The following EIF2B3 variants were observed in gnomAD, a reference collection of about 807,000 sequenced individuals.
EIF2B3 encodes eukaryotic translation initiation factor 2B subunit gamma.
EIF2B3 carries 20 observed loss-of-function variants against 54.1 expected under a neutral mutation model. That is an observed-to-expected ratio of 0.37 (90% CI 0.26 to 0.54). EIF2B3 has a LOEUF of 0.54. Ranked by LOEUF, EIF2B3 falls within the 20% of genes least tolerant of loss-of-function variation. The pLI is 0.86. For missense variants in EIF2B3, 448 were observed against 547.8 expected, an observed-to-expected ratio of 0.82 and a Z score of 1.82; for synonymous variants, 153 against 188.1, an observed-to-expected ratio of 0.81 and a Z score of 1.52.
intron 5 of EIF2B3, among the ~76,000 whole-genome samples, chr1:44,907,727 C>A (rs776254278): frequency 2.6e-5 from 4 of 151,532 alleles, no homozygotes; most frequent in Non-Finnish European, 4.4e-5. Flanking sequence ...ATGGAGAAAC[C>A]CTGTCTCTAT....
At chr1:44,951,813 G>C (rs1480514378) in intron 3 of EIF2B3, among the ~76,000 whole-genome samples, 1 of 149,150 alleles carries the variant, frequency 6.7e-6, no homozygotes, top group South Asian at 2.1e-4. Flanking sequence ...TTTGAGACGG[G>C]GTCTCGCTCT....
rs891420236 is a variant in EIF2B3, at chr1:44,943,001, G to A, written c.295-1336C>T. 5.9e-5 allele frequency among the ~76,000 whole-genome samples: 9 copies of A among 151,854 alleles called. No individual in the cohort carries two copies. The East Asian group carries it at 1.4e-3, about 23-fold the overall frequency. On this transcript the variant is annotated intron_variant, in intron 3 of 11. Transcript: ENST00000360403. ...CTCCTGAGTAGCTGGGACTACAGGC[G>A]CCCGCCACCACGCCCGGCTAATTTT...
chr1:44,892,393 A>G (rs1655825572), intron 6 of EIF2B3, among the ~76,000 whole-genome samples: 1 of 152,016 alleles, frequency 6.6e-6, no homozygotes, highest in South Asian at 2.1e-4. Flanking sequence ...CAGCCTGGGC[A>G]ACATATTGAG....
chr1:44,956,682 T>C (rs372274543), intron 3 of EIF2B3, among the ~76,000 whole-genome samples: 8 of 152,284 alleles, frequency 5.3e-5, no homozygotes, highest in African/African-American at 1.9e-4. Flanking sequence ...GAATTTAGTA[T>C]ATGATAATCG....
At chr1:44,933,373 G>A (rs977049969) in intron 4 of EIF2B3, among the ~76,000 whole-genome samples, 1 of 152,192 alleles carries the variant, frequency 6.6e-6, no homozygotes, top group African/African-American at 2.4e-5. Flanking sequence ...AGTGGGGGCA[G>A]AGCATGTGGT....
intron 3 of EIF2B3, among the ~76,000 whole-genome samples, chr1:44,964,318 GCAAGTTGGGAC>G (rs1267136047): frequency 6.6e-6 from 1 of 152,118 alleles, no homozygotes; most frequent in Non-Finnish European, 1.5e-5. Flanking sequence ...AAGTCTTTAA[GCAAGTTGGGAC>G]CAAGTTCTCA....
chr1:44,904,082 A>C (rs543122762), intron 5 of EIF2B3, among the ~76,000 whole-genome samples: 1 of 152,306 alleles, frequency 6.6e-6, no homozygotes, highest in Non-Finnish European at 1.5e-5. Flanking sequence ...TCTCAAAAAA[A>C]CAAAACAAAC....
At chr1:44,970,952 G>C (rs1327803225) in intron 3 of EIF2B3, among the ~76,000 whole-genome samples, 1 of 152,174 alleles carries the variant, frequency 6.6e-6, no homozygotes, top group Non-Finnish European at 1.5e-5. Context: ...ATGGCTCAGA[G>C]GTAGGATTAT....
intron 6 of EIF2B3, among the ~76,000 whole-genome samples, chr1:44,887,592 G>T (rs1052485763): frequency 1.3e-5 from 2 of 152,172 alleles, no homozygotes; most frequent in African/African-American, 4.8e-5. Context: ...CTCATCTAGG[G>T]ATGCTTACTG....
Position 44,879,990 on chromosome 1 carries a change from T to G in EIF2B3, c.803A>C (p.Lys268Thr). ...AGCCAGGTTCAGTGTATTGGCTTCT[T>G]TTATAAAACTGTAGATATCTTCAGA... Reference protein sequence around the residue: ...LKSLDIYSFIKEANTLNLAPY... With the variant: ...LKSLDIYSFITEANTLNLAPY... The change falls in exon 8 of 12, where the codon AAA (lysine) becomes ACA (threonine). Residue 268 changes from lysine (K) to threonine (T), a missense_variant. Lys to Thr is a moderately conservative substitution (Grantham distance 78). Transcript: ENST00000360403. 6.2e-7 allele frequency: 1 copy of G among 1,614,184 alleles called. No individual in the cohort carries two copies. The highest frequency in any genetic ancestry group is 8.5e-7 in the Non-Finnish European group (1 of 1,180,030).
chr1:44,880,892 C>T (rs1031813856), intron 7 of EIF2B3, among the ~76,000 whole-genome samples: 2 of 151,664 alleles, frequency 1.3e-5, no homozygotes, highest in Admixed American at 6.6e-5. Context: ...ACCCGGGAGG[C>T]GGAGCTTGCA....
intron 6 of EIF2B3, among the ~76,000 whole-genome samples, chr1:44,888,425 C>G (rs1411200843): frequency 1.3e-5 from 2 of 151,954 alleles, no homozygotes; most frequent in Middle Eastern, 3.2e-3. Flanking sequence ...ACGGGACATG[C>G]CGGCAAAGGG....
At chr1:44,854,650 T>C (rs1250565739) in intron 11 of EIF2B3, among the ~76,000 whole-genome samples, 2 of 150,550 alleles carry the variant, frequency 1.3e-5, no homozygotes, top group Non-Finnish European at 3.0e-5. Context: ...TGTGATGGCG[T>C]GATCTCAGCT....
intron 10 of EIF2B3, among the ~76,000 whole-genome samples, chr1:44,862,382 G>A (rs1301726871): frequency 6.6e-6 from 1 of 152,114 alleles, no homozygotes; most frequent in Non-Finnish European, 1.5e-5. Context: ...GTGGAAAGGA[G>A]GCCATGAGAA....
intron 11 of EIF2B3, among the ~76,000 whole-genome samples, chr1:44,852,585 G>A (rs1178944586): frequency 6.6e-6 from 1 of 151,900 alleles, no homozygotes; most frequent in Non-Finnish European, 1.5e-5. Context: ...TTCAAGACCA[G>A]CCTGGCCAAC....
intron 6 of EIF2B3, among the ~76,000 whole-genome samples, chr1:44,882,618 ATTT>A (rs747962035): frequency 7.9e-6 from 1 of 126,702 alleles, no homozygotes; most frequent in African/African-American, 2.9e-5. Flanking sequence ...TGCCTGGCTA[ATTT>A]TTTTTTTTTT....
intron 10 of EIF2B3, among the ~76,000 whole-genome samples, chr1:44,871,874 C>CT (rs71040515): frequency 0.21 from 25,190 of 118,858 alleles, 3,184 homozygotes; most frequent in Admixed American, 0.29. Context: ...ACTTCACAAT[C>CT]TTTTTTTTTT....
chr1:44,906,690 G>A (rs1349014483), intron 5 of EIF2B3, among the ~76,000 whole-genome samples: 3 of 152,160 alleles, frequency 2.0e-5, no homozygotes, highest in African/African-American at 4.8e-5. Flanking sequence ...ATGAGCCACC[G>A]TGCCCGGGAT....
chr1:44,913,274 G>A (rs990847361), intron 5 of EIF2B3, among the ~76,000 whole-genome samples: 1 of 151,696 alleles, frequency 6.6e-6, no homozygotes, highest in Non-Finnish European at 1.5e-5. Flanking sequence ...TGCTTCCTAC[G>A]TTTTTATTTT....
Sources: gnomAD v4.1 joint callset for allele counts (sites outside exome capture counted in the v4.1 genomes callset) on GRCh38, gnomAD v4.1.1 for gene constraint, MANE v1.5 for transcripts, NCBI Gene and HGNC (gene_info 2026-07-23, HGNC 2026-07-21) for gene names.